Variants in RIMBP2 observed in about 807,000 individuals in gnomAD.
The protein encoded by RIMBP2 is RIMS binding protein 2.
In RIMBP2, 48 loss-of-function variants were observed where a neutral mutation model predicts 118.6. The ratio of observed to expected loss-of-function variants is 0.40; its 90% confidence interval spans 0.32 to 0.51. The LOEUF is 0.51. Among genes scored for constraint, RIMBP2 ranks in the 20% least tolerant of loss-of-function variants. The probability of loss-of-function intolerance (pLI) is 0.41; values close to 1 mark genes in which losing one functional copy is unlikely to be tolerated. For synonymous variants in RIMBP2, 762 were observed against 742.9 expected, an observed-to-expected ratio of 1.03 and a Z score of -0.42; for missense variants, 1,551 against 1,768.3, an observed-to-expected ratio of 0.88 and a Z score of 2.20.
chr12:130,406,505 C>A (rs1439575251), intron 20 of RIMBP2, among the ~76,000 whole-genome samples: 2 of 152,176 alleles, frequency 1.3e-5, no homozygotes, highest in African/African-American at 4.8e-5. Context: ...TTACCATGTT[C>A]TACTGATAAT....
At chr12:130,644,694 T>C (rs1213521069) in intron 1 of RIMBP2, among the ~76,000 whole-genome samples, 1 of 152,100 alleles carries the variant, frequency 6.6e-6, no homozygotes, top group Non-Finnish European at 1.5e-5. Context: ...GGCTAGCGAG[T>C]GACGTCGGAA....
intron 18 of RIMBP2, 130 bp from the exon 19 acceptor site, chr12:130,412,917 CT>C: frequency 3.4e-6 from 3 of 873,202 alleles, no homozygotes; most frequent in Non-Finnish European, 5.1e-6. Flanking sequence ...CATAAATCAC[CT>C]GCATAGGTCA....
intron 4 of RIMBP2, among the ~76,000 whole-genome samples, chr12:130,504,193 A>C (rs942756209): frequency 6.6e-6 from 1 of 152,210 alleles, no homozygotes; most frequent in African/African-American, 2.4e-5. Flanking sequence ...AGTAAAACCC[A>C]GTGGTGGGTG....
chr12:130,473,751 C>A (rs2081202757), intron 5 of RIMBP2, among the ~76,000 whole-genome samples: 2 of 152,156 alleles, frequency 1.3e-5, no homozygotes, highest in African/African-American at 4.8e-5. Flanking sequence ...AGGATTAGGG[C>A]AGACACTGCC....
chr12:130,493,390 C>G (rs768738853), intron 4 of RIMBP2, among the ~76,000 whole-genome samples: 1 of 152,140 alleles, frequency 6.6e-6, no homozygotes, highest in Non-Finnish European at 1.5e-5. Flanking sequence ...TCTCGGCTCA[C>G]TGCAACCTCC....
At chr12:130,461,945 G>C (rs1429032252) in intron 6 of RIMBP2, among the ~76,000 whole-genome samples, 1 of 72,510 alleles carries the variant, frequency 1.4e-5, no homozygotes, top group East Asian at 5.1e-4. Flanking sequence ...GACACACCCA[G>C]GGAATTTTCA....
rs113696836 is a variant in RIMBP2 at position 130,446,024 on chromosome 12, C to G, written c.582-755G>C. 0.15 allele frequency among the ~76,000 whole-genome samples: 11,209 copies of G among 76,130 alleles called. 1,364 individuals carry two copies. The highest frequency in any genetic ancestry group is 0.33 in the African/African-American group (10,558 of 32,098). 49.9% of individuals were successfully genotyped at this position (76,130 alleles called of 152,430 possible). A position where few individuals can be genotyped will look rare whatever the true frequency, so the allele number is the denominator to read the frequency against. Reference sequence around the variant, plus strand: ...ACAGACGCATGATTTTATGCTCCCCCCCCCCACACCCCCAGGAATATAAGA... The same window carrying G: ...ACAGACGCATGATTTTATGCTCCCCGCCCCCACACCCCCAGGAATATAAGA... On this transcript the variant is annotated intron_variant, in intron 9 of 22. Coordinates refer to ENST00000690449, the MANE Select transcript of RIMBP2 (RefSeq NM_001393629.1). This position sits in a 1 kb window ranked among gnomAD's most constrained non-coding sequence, Gnocchi z 4.1.
Position 130,412,734 on chromosome 12 carries a change from C to T in RIMBP2, c.3474G>A (p.Arg1158=). ...CCATGTTACAAGGAATAAGGCCAAG[C>T]CGGGCACAGGTTTCCCCACGGTAGA... The part of the protein sequence containing the change: ...DGFYRGETCA[R]LGLIPCNMVS... The change falls in exon 19 of 23, where the codon CGG becomes CGA. Residue 1158 remains arginine (R), a synonymous_variant. Transcript: ENST00000690449. The T allele has an allele frequency of 6.2e-7, 1 of 1,613,898 alleles. No individual in the cohort carries two copies.
chr12:130,412,834 C>T, intron 18 of RIMBP2, 47 bp from the exon 19 acceptor site: 1 of 1,545,572 alleles, frequency 6.5e-7, no homozygotes. Flanking sequence ...TTGATTGGTT[C>T]AGAAATACAA....
rs145763127 is a variant in RIMBP2, at chr12:130,590,033, C to G, written c.-217+38289G>C. On this transcript the variant is annotated intron_variant, in intron 2 of 22. Coordinates refer to ENST00000690449, the MANE Select transcript of RIMBP2 (RefSeq NM_001393629.1). ...AGTTTCTGGGAGGGATTGGAGTCTT[C>G]GACTCTCAGATACAAATCTACTAAG... Among the ~76,000 whole-genome samples, 43 of 152,234 alleles carry G rather than the reference C, an allele frequency of 2.8e-4. 2 individuals are homozygous for G. In the East Asian group the frequency reaches 8.3e-3, roughly 29 times the overall value.
At chr12:130,429,503 C>T (rs1330783383) in intron 14 of RIMBP2, 17 of 152,164 alleles carry the variant, frequency 1.1e-4, no homozygotes, top group South Asian at 2.1e-4. Context: ...TCGAACTACA[C>T]GTTCTGATGC....
At position 130,450,382 on chromosome 12, in the gene RIMBP2, G is replaced by A. The variant is rs562005492; in HGVS notation, c.505-106C>T. The A allele has an allele frequency of 1.2e-5, 9 of 777,100 alleles. No individual in the cohort carries two copies. Among genetic ancestry groups the A allele is most frequent in the Non-Finnish European group, 2.0e-5 (9 of 449,750 alleles). The allele number at this position is 777,100 out of a possible 1,614,324, so 48.1% of individuals were successfully genotyped here. A position where few individuals can be genotyped will look rare whatever the true frequency, so the allele number is the denominator to read the frequency against. ...TCGCAGCTTCCTGGGCCCCAGGAGG[G>A]ACGGCCTGAGACTGTGGCACTCCCA... is the stretch of plus-strand genomic sequence containing the variant. On this transcript the variant is annotated intron_variant, in intron 8 of 22. Coordinates refer to ENST00000690449, the MANE Select transcript of RIMBP2 (RefSeq NM_001393629.1). This position sits in a 1 kb window ranked among gnomAD's most constrained non-coding sequence, Gnocchi z 4.8.
rs1181591775 is a variant in RIMBP2, at chr12:130,396,425, C to T, written c.*936G>A. On this transcript the variant is annotated 3_prime_UTR_variant, in exon 23 of 23. Coordinates refer to ENST00000690449, the MANE Select transcript of RIMBP2 (RefSeq NM_001393629.1). ...ACAAAAGAGTAACCATCAAATACAT[C>T]TGCCAGCAACTTTGTAAGTAAGTCT... 6.6e-6 allele frequency: 1 copy of T among 152,646 alleles called. No individual in the cohort carries two copies. Among genetic ancestry groups the T allele is most frequent in the East Asian group, 1.9e-4 (1 of 5,192 alleles). The allele number at this position is 152,646 out of a possible 1,614,324, so 9.5% of individuals were successfully genotyped here.
chr12:130,429,099 AAAAC>A (rs2076992950), intron 14 of RIMBP2: 1 of 152,416 alleles, frequency 6.6e-6, no homozygotes, highest in African/African-American at 2.4e-5. Context: ...TCCATCTCAA[AAAAC>A]AAACAAAACA....
At chr12:130,498,039 T>G (rs898307736) in intron 4 of RIMBP2, among the ~76,000 whole-genome samples, 1 of 152,244 alleles carries the variant, frequency 6.6e-6, no homozygotes, top group African/African-American at 2.4e-5. Flanking sequence ...CAGTCACCTG[T>G]GAGCCCCAGA....
chr12:130,510,317 T>C (rs2050782803), intron 3 of RIMBP2, among the ~76,000 whole-genome samples: 1 of 152,028 alleles, frequency 6.6e-6, no homozygotes, highest in South Asian at 2.1e-4. Flanking sequence ...ATGGTGGCAA[T>C]TGCAGTGACT....
At position 130,475,777 on chromosome 12, in the gene RIMBP2, A is replaced by G. The variant is rs952677520; in HGVS notation, c.102+3135T>C. Among the ~76,000 whole-genome samples the G allele has an allele frequency of 6.6e-6, 1 of 152,144 alleles. No homozygotes were observed. Among genetic ancestry groups the G allele is most frequent in the Non-Finnish European group, 1.5e-5 (1 of 68,042 alleles). On this transcript the variant is annotated intron_variant, in intron 5 of 22. Transcript: ENST00000690449. This position sits in a 1 kb window ranked among gnomAD's most constrained non-coding sequence, Gnocchi z 4.1. ...CAAAAAAGGCAATTAACTCCAGGGAAAGGAAGAGCTGTACAAAAACGGGAG... is the reference window on the plus strand; with the variant it reads ...CAAAAAAGGCAATTAACTCCAGGGAGAGGAAGAGCTGTACAAAAACGGGAG...
Position 130,447,685 on chromosome 12 carries a change from C to T in RIMBP2, c.582-2416G>A, listed in dbSNP as rs1476172366. Among the ~76,000 whole-genome samples, 4 of 152,100 alleles carry T rather than the reference C, an allele frequency of 2.6e-5. No homozygotes were observed. Among genetic ancestry groups the T allele is most frequent in the East Asian group, 1.9e-4 (1 of 5,176 alleles). ...AACTGTGCAGTGAGGACCATCTCTC[C>T]GTACAGCTGGCGAAAGGAAGGATGG... On this transcript the variant is annotated intron_variant, in intron 9 of 22. Coordinates refer to ENST00000690449, the MANE Select transcript of RIMBP2 (RefSeq NM_001393629.1). This position sits in a 1 kb window ranked among gnomAD's most constrained non-coding sequence, Gnocchi z 4.4.
chr12:130,666,547 G>GAGCTCAATCCTGTT (rs2136400638), intron 1 of RIMBP2, among the ~76,000 whole-genome samples: 1 of 152,224 alleles, frequency 6.6e-6, no homozygotes, highest in Non-Finnish European at 1.5e-5. Context: ...CGCCTGCTGT[G>GAGCTCAATCCTGTT]AGCTCAATCC....
Sources: allele counts gnomAD v4.1 joint callset (sites outside exome capture counted in the v4.1 genomes callset), GRCh38; gene constraint gnomAD v4.1.1; non-coding constraint Gnocchi (gnomAD v3.1); transcripts MANE v1.5; gene names NCBI Gene and HGNC (gene_info 2026-07-23, HGNC 2026-07-21).